Variants in NAALADL2 observed in about 807,000 individuals in gnomAD.
NAALADL2 encodes N-acetylated alpha-linked acidic dipeptidase like 2.
A neutral mutation model predicts 87.2 loss-of-function variants in NAALADL2; 76 were observed. The ratio of observed to expected loss-of-function variants is 0.87; its 90% CI spans 0.72 to 1.05. The LOEUF (loss-of-function observed/expected upper bound fraction) is 1.05. Ranked by LOEUF, NAALADL2 falls within the 50% of genes least tolerant of loss-of-function variation. The pLI is 0.00. For synonymous variants in NAALADL2, 354 were observed against 331.0 expected (o/e 1.07, Z -0.75); for missense variants, 1,089 against 945.8 (o/e 1.15, Z -1.99).
chr3:174,502,266 A>G (rs59234101), intron 1 of NAALADL2, among the ~76,000 whole-genome samples: 2,800 of 152,310 alleles, frequency 0.018, 90 homozygotes, highest in African/African-American at 0.057. Flanking sequence ...CAGGTTAACC[A>G]TGCTTAAAAA....
chr3:175,685,941 C>T (rs540891026), intron 11 of NAALADL2, among the ~76,000 whole-genome samples: 1 of 152,286 alleles, frequency 6.6e-6, no homozygotes, highest in South Asian at 2.1e-4. Flanking sequence ...TGATGTTTGA[C>T]CAAATACCTG....
At chr3:174,711,640 A>C (rs572791462) in intron 2 of NAALADL2, among the ~76,000 whole-genome samples, 1 of 152,264 alleles carries the variant, frequency 6.6e-6, no homozygotes, top group Non-Finnish European at 1.5e-5. Flanking sequence ...TATTCTCCCC[A>C]AATTATAGGC....
At chr3:174,790,613 A>G (rs1316075009) in intron 3 of NAALADL2, among the ~76,000 whole-genome samples, 1 of 150,520 alleles carries the variant, frequency 6.6e-6, no homozygotes, top group Non-Finnish European at 1.5e-5. Flanking sequence ...GTGCCACTGC[A>G]CTCCAGCCTA....
Position 174,872,640 on chromosome 3 carries a change from G to C in NAALADL2, c.43+13190G>C, listed in dbSNP as rs146092236. Among the ~76,000 whole-genome samples the C allele has an allele frequency of 4.6e-3, 704 of 152,208 alleles. 5 individuals carry two copies. Among genetic ancestry groups the C allele is most frequent in the Non-Finnish European group, 7.9e-3 (534 of 68,016 alleles). On this transcript the variant is annotated intron_variant, in intron 1 of 13. Transcript: ENST00000454872. ...GCTGAAGCTAAGCTAAATTCAAGGA[G>C]ACAGGGATCATAGCCGCTCATAGCT...
intron 1 of NAALADL2, among the ~76,000 whole-genome samples, chr3:174,519,815 G>A (rs6801660): frequency 0.67 from 101,565 of 151,958 alleles, 34,249 homozygotes; most frequent in East Asian, 0.9. Flanking sequence ...AACCCTTAAC[G>A]AACTATGCAT....
chr3:175,545,489 T>A (rs1237073801), intron 9 of NAALADL2, among the ~76,000 whole-genome samples: 1 of 152,092 alleles, frequency 6.6e-6, no homozygotes, highest in East Asian at 1.9e-4. Context: ...TAGAAGTTAT[T>A]CCACAGTGTT....
chr3:175,666,625 A>G (rs1034655534), intron 11 of NAALADL2, among the ~76,000 whole-genome samples: 1 of 152,174 alleles, frequency 6.6e-6, no homozygotes, highest in Non-Finnish European at 1.5e-5. Context: ...AAAGAGTTCA[A>G]ATTTGTTTTA....
At chr3:174,573,652 T>G (rs73042637) in intron 2 of NAALADL2, among the ~76,000 whole-genome samples, 3,968 of 151,826 alleles carry the variant, frequency 0.026, 199 homozygotes, top group African/African-American at 0.091. Context: ...TGTGCAGAGA[T>G]GACATGGTGA....
intron 1 of NAALADL2, among the ~76,000 whole-genome samples, chr3:175,025,853 A>G (rs1020396758): frequency 3.9e-5 from 6 of 152,154 alleles, no homozygotes; most frequent in African/African-American, 1.4e-4. Context: ...TTTGTCACCC[A>G]GGCTGGAGTG....
intron 1 of NAALADL2, among the ~76,000 whole-genome samples, chr3:174,533,745 A>G (rs1721459198): frequency 6.6e-6 from 1 of 152,148 alleles, no homozygotes; most frequent in African/African-American, 2.4e-5. Context: ...ATCTCATTCC[A>G]ACTGTGTAGT....
In NAALADL2 at chr3:175,803,687, G is replaced by C. The variant is rs1230242657; in HGVS notation, c.*484G>C. 6.6e-6 allele frequency: 1 copy of C among 152,390 alleles called. No individual in the cohort carries two copies. The highest frequency in any genetic ancestry group is 1.5e-5 in the Non-Finnish European group (1 of 67,970). 9.4% of individuals were successfully genotyped at this position (152,390 alleles called of 1,614,324 possible). ...AAGTATTCTGACTGAGTGATTGGTT[G>C]ACCTAAACCACTTTGAATGTTTCTA... On this transcript the variant is annotated 3_prime_UTR_variant, in exon 14 of 14. Coordinates refer to ENST00000454872, the MANE Select transcript of NAALADL2 (RefSeq NM_207015.3).
intron 2 of NAALADL2, among the ~76,000 whole-genome samples, chr3:175,190,356 T>C (rs927057772): frequency 2.0e-5 from 3 of 151,862 alleles, no homozygotes; most frequent in Non-Finnish European, 4.4e-5. Context: ...CACAACTGAA[T>C]ATCAGAAAAA....
intron 10 of NAALADL2, among the ~76,000 whole-genome samples, chr3:175,612,628 C>G (rs1339043743): frequency 2.0e-5 from 3 of 152,066 alleles, no homozygotes; most frequent in Non-Finnish European, 4.4e-5. Context: ...TGAGAAAAGC[C>G]CTGACTGACT....
chr3:175,543,903 A>G (rs1283231657), intron 9 of NAALADL2, among the ~76,000 whole-genome samples: 3 of 152,236 alleles, frequency 2.0e-5, no homozygotes, highest in Admixed American at 2.0e-4. Flanking sequence ...AGAGGTAAAT[A>G]CAGAAAGGCA....
At chr3:175,148,882 T>A (rs969865739) in intron 2 of NAALADL2, among the ~76,000 whole-genome samples, 15 of 152,184 alleles carry the variant, frequency 9.9e-5, no homozygotes, top group African/African-American at 2.9e-4. Context: ...ACGTGATACA[T>A]CTGGCTTTTA....
rs114206872 is a variant in NAALADL2, at chr3:174,583,704, G to A, written c.-115+33067G>A. Among the ~76,000 whole-genome samples the A allele has an allele frequency of 1.5e-3, 221 of 152,084 alleles. 1 individual carries two copies. The highest frequency in any genetic ancestry group is 3.0e-3 in the Non-Finnish European group (205 of 67,982). ...TCTTTTCCTCTCCTTTAAAGCTTTTGTCTATAATGCATACACTGATTGGAA... is the reference window on the plus strand; with the variant it reads ...TCTTTTCCTCTCCTTTAAAGCTTTTATCTATAATGCATACACTGATTGGAA... On this transcript the variant is annotated intron_variant, in intron 2 of 3. Coordinates refer to the NAALADL2 transcript ENST00000434257.
chr3:175,627,433 C>T (rs1197842151), intron 11 of NAALADL2, 47 bp downstream of exon 11: 9 of 1,245,204 alleles, frequency 7.2e-6, no homozygotes, highest in Non-Finnish European at 1.0e-5. Flanking sequence ...ATTTGTTCTT[C>T]TTTATTGGTA....
In NAALADL2 at chr3:174,904,786, CAACTT is replaced by C. The variant is rs762638240; in HGVS notation, c.43+45337_43+45341del. 1.1e-4 allele frequency among the ~76,000 whole-genome samples: 17 copies of C among 151,908 alleles called. No individual in the cohort carries two copies. In the Middle Eastern group the frequency reaches 0.01, roughly 91 times the overall value. The stretch of plus-strand genomic sequence containing the variant: ...TTATAGCTTGAGGCAATAATTCACT[CAACTT>C]GTGAAATAGTTACATCACCAATTTT... On this transcript the variant is annotated intron_variant, in intron 1 of 13. Coordinates refer to ENST00000454872, the MANE Select transcript of NAALADL2 (RefSeq NM_207015.3).
intron 1 of NAALADL2, among the ~76,000 whole-genome samples, chr3:175,071,785 T>TG (rs1715690810): frequency 6.6e-6 from 1 of 151,820 alleles, no homozygotes; most frequent in East Asian, 1.9e-4. Context: ...CAAAGGATAT[T>TG]AAAAAAATTG....
Sources: gnomAD v4.1 joint callset for allele counts (sites outside exome capture counted in the v4.1 genomes callset) on GRCh38, gnomAD v4.1.1 for gene constraint, MANE v1.5 for transcripts, NCBI Gene and HGNC (gene_info 2026-07-23, HGNC 2026-07-21) for gene names.